Variants in PPIL4 observed in about 807,000 individuals in gnomAD.
The protein encoded by PPIL4 is peptidylprolyl isomerase like 4, also known as peptidyl-prolyl cis-trans isomerase-like 4.
Under a neutral mutation model 69.1 loss-of-function variants are expected in PPIL4, and 50 were observed. That is an observed-to-expected ratio of 0.72 (90% CI 0.58 to 0.92). PPIL4 has a LOEUF of 0.92. Among genes scored for constraint, PPIL4 ranks in the 40% least tolerant of loss-of-function variants. The pLI, the probability that PPIL4 is intolerant of heterozygous loss-of-function variation, is 0.00. For missense variants in PPIL4, 480 were observed against 587.9 expected, an observed-to-expected ratio of 0.82 and a Z score of 1.90; for synonymous variants, 193 against 191.6, an observed-to-expected ratio of 1.01 and a Z score of -0.06.
At chr6:149,509,893 G>A (rs1333267112) in intron 12 of PPIL4, among the ~76,000 whole-genome samples, 1 of 151,928 alleles carries the variant, frequency 6.6e-6, no homozygotes, top group Non-Finnish European at 1.5e-5. Context: ...ACATTGTAAG[G>A]ACCAAAAAAT....
rs1776742615 is a variant in PPIL4, at chr6:149,504,818, C to A, written c.*635G>T. The A allele has an allele frequency of 1.3e-5, 2 of 152,078 alleles. No homozygotes were observed. Among genetic ancestry groups the A allele is most frequent in the South Asian group, 4.1e-4 (2 of 4,832 alleles). The allele number at this position is 152,078 out of a possible 1,614,324, so 9.4% of individuals were successfully genotyped here. A position where few individuals can be genotyped will look rare whatever the true frequency, so the allele number is the denominator to read the frequency against. On this transcript the variant is annotated 3_prime_UTR_variant, in exon 13 of 13. Transcript: ENST00000253329. ...AATGTTCACAGCAGCATTGTTTCAA[C>A]AGCAAAAACAAATAAACAAAACTCA...
intron 11 of PPIL4, among the ~76,000 whole-genome samples, chr6:149,513,845 G>T (rs568631718): frequency 6.6e-6 from 1 of 152,234 alleles, no homozygotes; most frequent in Admixed American, 6.5e-5. Context: ...TAGAATAAGA[G>T]AAAATATAAA....
In PPIL4 at chr6:149,504,702, T is replaced by G. The variant is rs1776738788; in HGVS notation, c.*751A>C. The G allele has an allele frequency of 6.6e-6, 1 of 152,188 alleles. No homozygotes were observed. Among genetic ancestry groups the G allele is most frequent in the Non-Finnish European group, 1.5e-5 (1 of 68,038 alleles). 9.4% of individuals were successfully genotyped at this position (152,188 alleles called of 1,614,324 possible). ...GCTATGAAACAAAGGTAACTCACAG[T>G]GCCAAGAGAGGTATAAACTAGTACA... On this transcript the variant is annotated 3_prime_UTR_variant, in exon 13 of 13. Coordinates refer to ENST00000253329, the MANE Select transcript of PPIL4 (RefSeq NM_139126.4).
intron 1 of PPIL4, among the ~76,000 whole-genome samples, chr6:149,542,115 G>A (rs951661956): frequency 1.3e-5 from 2 of 151,934 alleles, no homozygotes; most frequent in African/African-American, 2.4e-5. Flanking sequence ...TGGGGCATCT[G>A]GGCTAATACA....
intron 12 of PPIL4, among the ~76,000 whole-genome samples, chr6:149,509,988 G>A (rs1776818996): frequency 6.6e-6 from 1 of 152,048 alleles, no homozygotes; most frequent in Non-Finnish European, 1.5e-5. Flanking sequence ...CTTGAACTCT[G>A]GGATCAAGCG....
intron 1 of PPIL4, among the ~76,000 whole-genome samples, chr6:149,542,632 T>C (rs1777380912): frequency 1.3e-5 from 2 of 150,622 alleles, no homozygotes; most frequent in Non-Finnish European, 2.9e-5. Context: ...ATAACATGTG[T>C]GCCACTTATT....
Position 149,505,381 on chromosome 6 carries a change from A to G in PPIL4, c.*72T>C, listed in dbSNP as rs1751358405. 1.4e-6 allele frequency: 2 copies of G among 1,434,164 alleles called. No homozygotes were observed. The highest frequency in any genetic ancestry group is 1.3e-5 in the South Asian group (1 of 74,184). The allele number at this position is 1,434,164 out of a possible 1,614,324, so 88.8% of individuals were successfully genotyped here. On this transcript the variant is annotated 3_prime_UTR_variant, in exon 13 of 13. Transcript: ENST00000253329. ...ACAAGCTTTGACACAAAATCTAAGCATCTGCTTTCCTGGCACTCTTAAGTT... is the reference window on the plus strand; with the variant it reads ...ACAAGCTTTGACACAAAATCTAAGCGTCTGCTTTCCTGGCACTCTTAAGTT...
intron 10 of PPIL4, among the ~76,000 whole-genome samples, chr6:149,518,992 T>C (rs757059432): frequency 1.3e-5 from 2 of 152,238 alleles, no homozygotes; most frequent in Non-Finnish European, 2.9e-5. Flanking sequence ...CAATAACATA[T>C]ATAATTATCT....
chr6:149,509,034 T>A (rs1218282727), intron 12 of PPIL4, among the ~76,000 whole-genome samples: 1 of 152,068 alleles, frequency 6.6e-6, no homozygotes, highest in Non-Finnish European at 1.5e-5. Flanking sequence ...TAAATACTGA[T>A]GCTGAGTTTT....
At chr6:149,537,968 ATT>A (rs1357393766) in intron 4 of PPIL4, among the ~76,000 whole-genome samples, 1 of 151,968 alleles carries the variant, frequency 6.6e-6, no homozygotes, top group African/African-American at 2.4e-5. Flanking sequence ...GGAAATTAAT[ATT>A]GTTTTCAGCT....
At chr6:149,529,435 C>T (rs530559533) in intron 7 of PPIL4, among the ~76,000 whole-genome samples, 51 of 150,320 alleles carry the variant, frequency 3.4e-4, no homozygotes, top group African/African-American at 1.2e-3. Context: ...TGCAACAGAG[C>T]GAGAACCTGT....
intron 1 of PPIL4, 132 bp downstream of exon 1, chr6:149,545,804 G>A (rs1777431474): frequency 1.8e-5 from 14 of 792,412 alleles, no homozygotes; most frequent in Non-Finnish European, 2.9e-5. Flanking sequence ...TAATAAAATA[G>A]CCCAGTCGCG....
At chr6:149,513,412 A>AAATAT (rs1554215970) in intron 11 of PPIL4, among the ~76,000 whole-genome samples, 10 of 55,324 alleles carry the variant, frequency 1.8e-4, no homozygotes, top group African/African-American at 7.6e-4. Flanking sequence ...AAAAAAAAAA[A>AAATAT]ATATATATAT....
chr6:149,525,770 T>C (rs1777096703), intron 8 of PPIL4, among the ~76,000 whole-genome samples: 1 of 152,172 alleles, frequency 6.6e-6, no homozygotes, highest in Admixed American at 6.6e-5. Flanking sequence ...ACCTGGCTTG[T>C]CCCTTGCCCC....
At chr6:149,511,435 T>G (rs1018673494) in intron 12 of PPIL4, among the ~76,000 whole-genome samples, 5 of 151,214 alleles carry the variant, frequency 3.3e-5, no homozygotes, top group African/African-American at 4.9e-5. Flanking sequence ...TTTGTCAAGG[T>G]GTGTGTGTGT....
intron 7 of PPIL4, 120 bp from the exon 8 acceptor site, chr6:149,526,896 C>A: frequency 1.0e-6 from 1 of 983,364 alleles, no homozygotes. Flanking sequence ...AAACTGCAGG[C>A]TCTGGAAAAG....
chr6:149,538,829 GCAAA>G (rs888108517), intron 4 of PPIL4, among the ~76,000 whole-genome samples: 2 of 149,722 alleles, frequency 1.3e-5, no homozygotes, highest in African/African-American at 2.5e-5. Context: ...TTAAGGATGA[GCAAA>G]CAAAGTGGTT....
rs765994414 is a variant in PPIL4 at position 149,510,185 on chromosome 6, G to T, written c.1227+1970C>A. Among the ~76,000 whole-genome samples the T allele has an allele frequency of 8.5e-5, 13 of 152,294 alleles. 1 individual carries two copies. In the South Asian group the frequency reaches 1.9e-3, roughly 22 times the overall value. On this transcript the variant is annotated intron_variant, in intron 12 of 12. Coordinates refer to ENST00000253329, the MANE Select transcript of PPIL4 (RefSeq NM_139126.4). ...TTAAACAGCTAAAGGGCTATAGAAA[G>T]AAGAAATTCTATCTCTGCTGGATTA... is the stretch of plus-strand genomic sequence containing the variant.
At position 149,530,612 on chromosome 6, in the gene PPIL4, T is replaced by C. The variant is rs78523167; in HGVS notation, c.678+2846A>G. Among the ~76,000 whole-genome samples the C allele has an allele frequency of 7.4e-4, 111 of 149,084 alleles. 3 individuals are homozygous for C. The East Asian group carries it at 0.017, about 23-fold the overall frequency. Reference sequence around the variant, plus strand: ...AGGCAGAGGTTGCAGTGAGCCAAGATTGCGCCATTGCTCTCCAGCCTGGGT... The same window carrying C: ...AGGCAGAGGTTGCAGTGAGCCAAGACTGCGCCATTGCTCTCCAGCCTGGGT... On this transcript the variant is annotated intron_variant, in intron 7 of 12. Transcript: ENST00000253329.
Sources: gnomAD v4.1 joint callset for allele counts (sites outside exome capture counted in the v4.1 genomes callset) on GRCh38, gnomAD v4.1.1 for gene constraint, MANE v1.5 for transcripts, NCBI Gene and HGNC (gene_info 2026-07-23, HGNC 2026-07-21) for gene names.